The following THSD7B variants were observed in gnomAD, a reference collection of about 807,000 sequenced individuals.
THSD7B encodes the protein thrombospondin type 1 domain containing 7B.
THSD7B carries 138 observed loss-of-function variants against 213.6 expected under a neutral mutation model. The observed-to-expected ratio is 0.65, with a 90% confidence interval of 0.56 to 0.74. THSD7B has a LOEUF of 0.74. Ranked by LOEUF, THSD7B falls within the 30% of genes least tolerant of loss-of-function variation. The pLI is 0.00. For synonymous variants in THSD7B, 742 were observed against 687.0 expected, an observed-to-expected ratio of 1.08 and a Z score of -1.25; for missense variants, 1,931 against 1,991.5, an observed-to-expected ratio of 0.97 and a Z score of 0.58.
At chr2:137,499,316 C>A (rs1177755002) in intron 15 of THSD7B, among the ~76,000 whole-genome samples, 1 of 152,126 alleles carries the variant, frequency 6.6e-6, no homozygotes, top group Non-Finnish European at 1.5e-5. Flanking sequence ...ATTGCAGGGA[C>A]TTGTCTAACC....
chr2:137,615,648 C>T (rs1484186823), intron 17 of THSD7B, among the ~76,000 whole-genome samples: 3 of 152,182 alleles, frequency 2.0e-5, no homozygotes, highest in Admixed American at 2.0e-4. Flanking sequence ...GGACCAAAGG[C>T]ATTCCCAAAT....
chr2:137,380,121 A>G (rs1443819485), intron 12 of THSD7B, among the ~76,000 whole-genome samples: 1 of 152,112 alleles, frequency 6.6e-6, no homozygotes, highest in African/African-American at 2.4e-5. Flanking sequence ...AGTCAACAAA[A>G]CACATTTGGG....
chr2:137,392,479 G>C (rs1396078927), intron 12 of THSD7B, among the ~76,000 whole-genome samples: 2 of 151,998 alleles, frequency 1.3e-5, no homozygotes, highest in African/African-American at 4.8e-5. Context: ...TTACTGAACT[G>C]ATCCTTTTAT....
At chr2:136,784,522 C>G (rs1374609775) in intron 1 of THSD7B, among the ~76,000 whole-genome samples, 2 of 151,158 alleles carry the variant, frequency 1.3e-5, no homozygotes, top group African/African-American at 4.9e-5. Context: ...TTAAAATGTG[C>G]AAATAGAAGG....
chr2:137,483,983 C>T (rs889909314), intron 15 of THSD7B, among the ~76,000 whole-genome samples: 23 of 151,908 alleles, frequency 1.5e-4, no homozygotes, highest in East Asian at 9.7e-4. Context: ...TTATGCGATT[C>T]GTTCCAGACA....
At chr2:137,335,552 C>A (rs1034218570) in intron 12 of THSD7B, among the ~76,000 whole-genome samples, 2 of 152,156 alleles carry the variant, frequency 1.3e-5, no homozygotes, top group Non-Finnish European at 2.9e-5. Flanking sequence ...ATGCTCACAA[C>A]CTCTAAATAA....
At chr2:137,578,227 T>C (rs761818302) in intron 17 of THSD7B, among the ~76,000 whole-genome samples, 77 of 152,248 alleles carry the variant, frequency 5.1e-4, no homozygotes, top group Non-Finnish European at 9.8e-4. Flanking sequence ...GTACAGGAAG[T>C]TGAAATTTGA....
At chr2:137,039,392 G>GTTT (rs1686837454) in intron 2 of THSD7B, among the ~76,000 whole-genome samples, 1 of 152,186 alleles carries the variant, frequency 6.6e-6, no homozygotes, top group South Asian at 2.1e-4. Context: ...GCAATGTCTG[G>GTTT]AGACATTTTT....
intron 18 of THSD7B, among the ~76,000 whole-genome samples, chr2:137,617,236 C>T (rs1029353351): frequency 6.6e-6 from 1 of 152,130 alleles, no homozygotes; most frequent in Non-Finnish European, 1.5e-5. Context: ...ATTGGAAGAG[C>T]ATATCTTTGA....
chr2:137,600,104 C>T (rs1326020813), intron 17 of THSD7B, among the ~76,000 whole-genome samples: 2 of 152,114 alleles, frequency 1.3e-5, no homozygotes, highest in African/African-American at 2.4e-5. Context: ...TGCACACATG[C>T]ATGCACACAC....
At chr2:136,814,543 C>T (rs773721033) in intron 1 of THSD7B, among the ~76,000 whole-genome samples, 5 of 152,112 alleles carry the variant, frequency 3.3e-5, no homozygotes, top group Non-Finnish European at 5.9e-5. Flanking sequence ...GGACTACAGG[C>T]GCCTGCCACC....
chr2:136,770,298 G>C (rs1681481888), intron 1 of THSD7B, among the ~76,000 whole-genome samples: 1 of 152,156 alleles, frequency 6.6e-6, no homozygotes, highest in Non-Finnish European at 1.5e-5. Context: ...ACTAAGGCTT[G>C]CAGTAATCTC....
Position 137,431,828 on chromosome 2 carries a change from G to C in THSD7B, c.2960-19017G>C, listed in dbSNP as rs113573161. 1.9e-3 allele frequency among the ~76,000 whole-genome samples: 293 copies of C among 152,260 alleles called. 2 individuals are homozygous for C. The highest frequency in any genetic ancestry group is 6.8e-3 in the African/African-American group (281 of 41,534). On this transcript the variant is annotated intron_variant, in intron 14 of 27. Transcript: ENST00000409968. ...AGAAATTTCTGTAATTTTAGATTTG[G>C]AATAGATAGAGCTTTTGGAATAGCT...
chr2:137,412,893 CT>C (rs59348687), intron 14 of THSD7B, among the ~76,000 whole-genome samples: 278 of 139,966 alleles, frequency 2.0e-3, no homozygotes, highest in African/African-American at 2.2e-3. Flanking sequence ...TTCTTTCTTT[CT>C]TTTTTTTTTT....
intron 15 of THSD7B, among the ~76,000 whole-genome samples, chr2:137,460,817 C>T (rs1007887515): frequency 1.3e-5 from 2 of 152,082 alleles, no homozygotes; most frequent in African/African-American, 2.4e-5. Context: ...CAAGAAGTAA[C>T]ATATCATCAA....
At chr2:137,243,971 A>G (rs1681969251) in intron 10 of THSD7B, among the ~76,000 whole-genome samples, 1 of 152,214 alleles carries the variant, frequency 6.6e-6, no homozygotes, top group Admixed American at 6.5e-5. Flanking sequence ...GGAAACGACA[A>G]TCTCTTCTAG....
At chr2:136,879,721 C>G (rs1384612618) in intron 1 of THSD7B, among the ~76,000 whole-genome samples, 3 of 152,022 alleles carry the variant, frequency 2.0e-5, no homozygotes, top group African/African-American at 7.2e-5. Context: ...TCAGGAAACC[C>G]ATTTCATGTG....
intron 3 of THSD7B, among the ~76,000 whole-genome samples, chr2:137,077,568 G>T (rs1291250242): frequency 6.6e-6 from 1 of 152,112 alleles, no homozygotes; most frequent in East Asian, 1.9e-4. Flanking sequence ...GCATTTCTCT[G>T]ATGGCCAGTG....
At chr2:137,386,465 G>T (rs1685896073) in intron 12 of THSD7B, among the ~76,000 whole-genome samples, 1 of 151,256 alleles carries the variant, frequency 6.6e-6, no homozygotes, top group African/African-American at 2.5e-5. Context: ...AAGCTTTATA[G>T]GTAGAGGCCC....
Sources: allele counts gnomAD v4.1 joint callset (sites outside exome capture counted in the v4.1 genomes callset), GRCh38; gene constraint gnomAD v4.1.1; transcripts MANE v1.5; gene names NCBI Gene and HGNC (gene_info 2026-07-23, HGNC 2026-07-21).